MOBP: variants seen among roughly 807,000 people sequenced by gnomAD.
MOBP encodes the protein myelin associated oligodendrocyte basic protein, also known as myelin-associated oligodendrocyte basic protein.
MOBP carries 5 observed loss-of-function variants against 15.0 expected under a neutral mutation model. That is an observed-to-expected ratio of 0.33 (90% confidence interval 0.17 to 0.70). The LOEUF is 0.70. MOBP is among the 30% of genes least tolerant of loss of function. MOBP has a pLI of 0.67. For synonymous variants in MOBP, 88 were observed against 99.0 expected (o/e 0.89, Z 0.66); for missense variants, 188 against 257.8 (o/e 0.73, Z 1.85).
Position 39,478,826 on chromosome 3 carries a change from TTTC to T in MOBP, c.-88-1205_-88-1203del, listed in dbSNP as rs574459235. On this transcript the variant is annotated intron_variant, in intron 1 of 3. Coordinates refer to ENST00000684792, the MANE Select transcript of MOBP (RefSeq NM_001393704.1). ...TCACTACTGATCATTTGTCTTTTTT[TTTC>T]TTCTTCTTTTTTTTTCTTGAGATGG... 1.7e-4 allele frequency among the ~76,000 whole-genome samples: 25 copies of T among 151,082 alleles called. No homozygotes were observed. The South Asian group carries it at 3.6e-3, about 22-fold the overall frequency.
At chr3:39,468,990 A>ATG (rs1223612674) in intron 1 of MOBP, among the ~76,000 whole-genome samples, 3 of 79,674 alleles carry the variant, frequency 3.8e-5, no homozygotes, top group Non-Finnish European at 6.5e-5. Flanking sequence ...ATATATACAT[A>ATG]TGTGTGTGTA....
At chr3:39,472,713 C>A (rs998483321) in intron 1 of MOBP, among the ~76,000 whole-genome samples, 1 of 152,138 alleles carries the variant, frequency 6.6e-6, no homozygotes, top group South Asian at 2.1e-4. Context: ...ATCACTTGAG[C>A]TCAGGAGTTT....
Position 39,502,370 on chromosome 3 carries a change from CT to C in MOBP, c.206+96del. The C allele has an allele frequency of 1.4e-5, 22 of 1,568,300 alleles. No individual in the cohort carries two copies. Among genetic ancestry groups the C allele is most frequent in the Non-Finnish European group, 1.6e-5 (18 of 1,158,750 alleles). ...CCCGCTCCGCACCCCACTCTTCCCC[CT>C]AGTCGGCTCCGGGTTAGGCTCCGAC... On this transcript the variant is annotated intron_variant, in intron 3 of 3. Coordinates refer to ENST00000684792, the MANE Select transcript of MOBP (RefSeq NM_001393704.1). This position sits in a 1 kb window ranked among gnomAD's most constrained non-coding sequence, Gnocchi z 6.3.
intron 1 of MOBP, among the ~76,000 whole-genome samples, chr3:39,476,173 A>G (rs1252646140): frequency 6.0e-5 from 5 of 83,380 alleles, no homozygotes; most frequent in African/African-American, 4.6e-4. Flanking sequence ...ACCAGATATC[A>G]TGAGAACTCA....
chr3:39,524,674 G>A (rs1305036609), exon 5 of MOBP: 2 of 152,136 alleles, frequency 1.3e-5, no homozygotes, highest in Non-Finnish European at 2.9e-5. Flanking sequence ...CTGTGATCAA[G>A]CAATAATAAT....
At chr3:39,518,814 A>G (rs879899337), downstream of MOBP, among the ~76,000 whole-genome samples, 1 of 152,214 alleles carries the variant, frequency 6.6e-6, no homozygotes, top group Non-Finnish European at 1.5e-5. Context: ...TTTACACCTT[A>G]TATATCCTTC....
intron 1 of MOBP, among the ~76,000 whole-genome samples, chr3:39,471,816 A>T (rs558166262): frequency 1.3e-5 from 2 of 152,352 alleles, no homozygotes; most frequent in Admixed American, 6.5e-5. Flanking sequence ...ATGTACTGAG[A>T]TATAGACACC....
At chr3:39,498,680 T>C (rs1249677284) in intron 2 of MOBP, among the ~76,000 whole-genome samples, 1 of 152,178 alleles carries the variant, frequency 6.6e-6, no homozygotes, top group Non-Finnish European at 1.5e-5. Context: ...CAGGTGGTTG[T>C]GTTAGGAATG....
At chr3:39,489,787 A>G (rs921609831) in intron 2 of MOBP, among the ~76,000 whole-genome samples, 4 of 152,128 alleles carry the variant, frequency 2.6e-5, no homozygotes, top group African/African-American at 9.7e-5. Flanking sequence ...CGACTGCCAC[A>G]TTGACGGTTA....
Position 39,502,408 on chromosome 3 carries a change from C to T in MOBP, c.207-127C>T, listed in dbSNP as rs1271735610. 6.5e-7 allele frequency: 1 copy of T among 1,527,992 alleles called. No individual in the cohort carries two copies. The highest frequency in any genetic ancestry group is 8.8e-7 in the Non-Finnish European group (1 of 1,141,700). 94.7% of individuals were successfully genotyped at this position (1,527,992 alleles called of 1,614,324 possible). A position where few individuals can be genotyped will look rare whatever the true frequency, so the allele number is the denominator to read the frequency against. On this transcript the variant is annotated intron_variant, in intron 3 of 3. Transcript: ENST00000684792. This position sits in a 1 kb window ranked among gnomAD's most constrained non-coding sequence, Gnocchi z 6.3. ...GGTTAGGCTCCGACACCGGAAGGCA[C>T]TCCAGGGAGACTGGAAGGTGGGTGG...
chr3:39,478,770 CAGG>C (rs1017849136), intron 1 of MOBP, among the ~76,000 whole-genome samples: 12 of 152,082 alleles, frequency 7.9e-5, no homozygotes, highest in African/African-American at 2.9e-4. Flanking sequence ...ATTGTTTCAG[CAGG>C]AGTTTAAATT....
chr3:39,503,553 A>AT (rs5848509), downstream of MOBP, among the ~76,000 whole-genome samples: 77,110 of 137,586 alleles, frequency 0.56, 22,737 homozygotes, highest in East Asian at 0.74. Context: ...TCTGTAGGCT[A>AT]TTTTTTTTTT....
chr3:39,491,580 C>T (rs1609647), intron 2 of MOBP, among the ~76,000 whole-genome samples: 45,316 of 152,026 alleles, frequency 0.3, 9,137 homozygotes, highest in African/African-American at 0.57. Flanking sequence ...TGGCAGCTTA[C>T]ATACCAAGAA....
downstream of MOBP, among the ~76,000 whole-genome samples, chr3:39,507,275 A>G (rs1707973): frequency 0.26 from 39,527 of 152,182 alleles, 5,884 homozygotes; most frequent in African/African-American, 0.41. Context: ...TATCTCAGCA[A>G]ATAACACAGC....
intron 1 of MOBP, among the ~76,000 whole-genome samples, chr3:39,471,975 G>A (rs1205823715): frequency 6.6e-6 from 1 of 152,188 alleles, no homozygotes; most frequent in Non-Finnish European, 1.5e-5. Flanking sequence ...AGTCCAAAGG[G>A]TTTTCTATAA....
intron 2 of MOBP, among the ~76,000 whole-genome samples, chr3:39,500,957 T>C (rs771672468): frequency 6.6e-6 from 1 of 152,212 alleles, no homozygotes; most frequent in Non-Finnish European, 1.5e-5. Flanking sequence ...GACACACAAT[T>C]TTGATGATCA....
intron 2 of MOBP, among the ~76,000 whole-genome samples, chr3:39,493,601 G>A (rs1473888082): frequency 3.3e-5 from 5 of 152,166 alleles, no homozygotes; most frequent in African/African-American, 4.8e-5. Context: ...AACATCTTCT[G>A]AGCACCTGTT....
intron 2 of MOBP, among the ~76,000 whole-genome samples, chr3:39,496,419 T>C (rs2042883951): frequency 6.6e-6 from 1 of 152,058 alleles, no homozygotes; most frequent in Non-Finnish European, 1.5e-5. Flanking sequence ...CAGGATGGTC[T>C]TGATCTCCTA....
rs536158822 is a variant in MOBP at position 39,468,742 on chromosome 3, GTA to G, written c.-89+1009_-89+1010del. On this transcript the variant is annotated intron_variant, in intron 1 of 3. Transcript: ENST00000684792. ...TATATACATATATACATATGTGTGT[GTA>G]TATATACATATATACATGTGTGTGT... is the stretch of plus-strand genomic sequence containing the variant. Among the ~76,000 whole-genome samples, 40 of 78,136 alleles carry G rather than the reference GTA, an allele frequency of 5.1e-4. 1 individual carries two copies. The highest frequency in any genetic ancestry group is 3.9e-4 in the South Asian group (1 of 2,542). The allele number at this position is 78,136 out of a possible 152,430, so 51.3% of individuals were successfully genotyped here. A position where few individuals can be genotyped will look rare whatever the true frequency, so the allele number is the denominator to read the frequency against.
Sources: gnomAD v4.1 joint callset for allele counts (sites outside exome capture counted in the v4.1 genomes callset) on GRCh38, gnomAD v4.1.1 for gene constraint, Gnocchi (gnomAD v3.1) non-coding constraint, MANE v1.5 for transcripts, NCBI Gene and HGNC (gene_info 2026-07-23, HGNC 2026-07-21) for gene names.